Variants in TACC2 observed in about 807,000 individuals in gnomAD.
TACC2 encodes transforming acidic coiled-coil containing protein 2.
A neutral mutation model predicts 227.3 loss-of-function variants in TACC2; 137 were observed. That is an observed-to-expected ratio of 0.60 (90% confidence interval 0.52 to 0.69). The LOEUF (loss-of-function observed/expected upper bound fraction) is 0.69, where lower values mean the gene tolerates loss of function less well. TACC2 is among the 30% of genes least tolerant of loss of function. The pLI is 0.00. For missense variants in TACC2, 3,470 were observed against 3,694.4 expected, an observed-to-expected ratio of 0.94 and a Z score of 1.57; for synonymous variants, 1,523 against 1,487.5, an observed-to-expected ratio of 1.02 and a Z score of -0.55.
At chr10:122,106,961 C>T (rs954469813) in intron 5 of TACC2, among the ~76,000 whole-genome samples, 8 of 152,218 alleles carry the variant, frequency 5.3e-5, no homozygotes, top group Non-Finnish European at 1.2e-4. Context: ...ACTGCGCCCT[C>T]GCATGACAAT....
chr10:122,074,360 A>G (rs1429559828), intron 3 of TACC2, among the ~76,000 whole-genome samples: 4 of 152,102 alleles, frequency 2.6e-5, no homozygotes, highest in Admixed American at 2.6e-4. Flanking sequence ...GATTATAGGT[A>G]TGACCCACTG....
At chr10:122,135,365 G>A (rs2089399326) in intron 6 of TACC2, among the ~76,000 whole-genome samples, 1 of 152,204 alleles carries the variant, frequency 6.6e-6, no homozygotes, top group South Asian at 2.1e-4. Flanking sequence ...ATGCAGGAGG[G>A]GACCAGTGGC....
rs375725566 is a variant in TACC2, at chr10:122,143,528, T to C, written c.5700-44T>C. 201 of 1,592,104 alleles carry C rather than the reference T, an allele frequency of 1.3e-4. No individual in the cohort carries two copies. In the African/African-American group the frequency reaches 2.5e-3, roughly 20 times the overall value. On this transcript the variant is annotated intron_variant, in intron 6 of 22. Transcript: ENST00000369005. ...TGGGGCCTGATGAATGTGCCATTAA[T>C]GAGCCCAGCACCATGTGGAATAATT...
rs145786909 is a variant in TACC2 at position 122,016,788 on chromosome 10, C to T, written c.-45-5149C>T. The stretch of plus-strand genomic sequence containing the variant: ...ATAAGATGCTTAATTTGTGTCCCCA[C>T]GAAATTCATATGTGGAAATCCTAAC... On this transcript the variant is annotated intron_variant, in intron 1 of 22. Coordinates refer to ENST00000369005, the MANE Select transcript of TACC2 (RefSeq NM_206862.4). Among the ~76,000 whole-genome samples the T allele has an allele frequency of 2.5e-3, 375 of 152,208 alleles. 3 individuals carry two copies. The highest frequency in any genetic ancestry group is 8.7e-3 in the African/African-American group (363 of 41,528).
intron 5 of TACC2, among the ~76,000 whole-genome samples, chr10:122,100,347 TG>T (rs1462376381): frequency 6.6e-6 from 1 of 151,980 alleles, no homozygotes; most frequent in Non-Finnish European, 1.5e-5. Context: ...AACTCTTCCC[TG>T]CTCCTTTCTG....
chr10:122,116,526 T>C (rs1326704375), intron 5 of TACC2, among the ~76,000 whole-genome samples: 2 of 152,198 alleles, frequency 1.3e-5, no homozygotes, highest in East Asian at 3.8e-4. Context: ...ACTGTCTGAG[T>C]CACCTTCCTT....
chr10:122,165,599 A>T (rs1218552193), intron 7 of TACC2, among the ~76,000 whole-genome samples: 1 of 152,190 alleles, frequency 6.6e-6, no homozygotes, highest in Non-Finnish European at 1.5e-5. Context: ...AGTGGTGTTT[A>T]AATAAAATTT....
At chr10:122,222,448 ATT>A (rs2095540298) in intron 11 of TACC2, among the ~76,000 whole-genome samples, 1 of 152,140 alleles carries the variant, frequency 6.6e-6, no homozygotes, top group Non-Finnish European at 1.5e-5. Flanking sequence ...CTCATCTGGG[ATT>A]GATGGGGAGG....
intron 6 of TACC2, among the ~76,000 whole-genome samples, chr10:122,137,177 G>GCT (rs2089840680): frequency 6.6e-6 from 1 of 152,034 alleles, no homozygotes; most frequent in Admixed American, 6.6e-5. Flanking sequence ...CGGGGGTTGA[G>GCT]CTAACCCTGG....
At chr10:122,102,485 C>A (rs967232760) in intron 5 of TACC2, among the ~76,000 whole-genome samples, 1 of 152,208 alleles carries the variant, frequency 6.6e-6, no homozygotes, top group African/African-American at 2.4e-5. Context: ...TGCGGCTGAT[C>A]CATCAAATAG....
chr10:122,048,435 TCCTCCCTCCCTC>T (rs142187179), intron 2 of TACC2, among the ~76,000 whole-genome samples: 1 of 133,512 alleles, frequency 7.5e-6, no homozygotes, highest in Non-Finnish European at 1.6e-5. Context: ...CCTCCTTGCT[TCCTCCCTCCCTC>T]CCTCCCTCCC....
intron 19 of TACC2, chr10:122,247,102 AG>A (rs2096139413): frequency 6.6e-6 from 1 of 152,640 alleles, no homozygotes; most frequent in Non-Finnish European, 1.5e-5. Context: ...TCCATTTCAG[AG>A]GGAGGTCACT....
In TACC2 at chr10:122,180,463, G is replaced by A. The variant is rs1158594696; in HGVS notation, c.5835-14577G>A. Among the ~76,000 whole-genome samples the A allele has an allele frequency of 6.7e-6, 1 of 149,722 alleles. No individual in the cohort carries two copies. Among genetic ancestry groups the A allele is most frequent in the Non-Finnish European group, 1.5e-5 (1 of 67,566 alleles). On this transcript the variant is annotated intron_variant, in intron 7 of 22. Transcript: ENST00000369005. The surrounding 1 kb of genome is among the most constrained non-coding windows in gnomAD (Gnocchi z 4.5). ...CGCCATTCTCCTGCCTCAGCCTCCC[G>A]AGTAGCTGGGACTACAGGCGCCCGC...
At position 122,004,420 on chromosome 10, in the gene TACC2, C is replaced by G. The variant is rs563132255; in HGVS notation, c.-46+14932C>G. 2.6e-5 allele frequency among the ~76,000 whole-genome samples: 4 copies of G among 151,656 alleles called. No individual in the cohort carries two copies. In the South Asian group the frequency reaches 8.4e-4, roughly 32 times the overall value. On this transcript the variant is annotated intron_variant, in intron 1 of 22. Transcript: ENST00000369005. ...CTCAAAAAAAAAAAAAAAAATTACA[C>G]TCGTTCCTGAGGTTGAAAGATTTAC...
intron 7 of TACC2, among the ~76,000 whole-genome samples, chr10:122,166,880 T>C (rs1381289053): frequency 1.3e-5 from 2 of 152,206 alleles, no homozygotes; most frequent in Non-Finnish European, 2.9e-5. Context: ...AAAACACTTA[T>C]TTCTCAGTAT....
chr10:122,242,114 C>A, intron 19 of TACC2, 113 bp downstream of exon 19: 1 of 981,680 alleles, frequency 1.0e-6, no homozygotes, highest in Non-Finnish European at 1.6e-6. Flanking sequence ...TGAAGCCTTT[C>A]AGGGAAGGAC....
intron 2 of TACC2, among the ~76,000 whole-genome samples, chr10:122,026,435 A>G (rs1342136964): frequency 7.3e-6 from 1 of 136,602 alleles, no homozygotes; most frequent in Admixed American, 8.0e-5. Context: ...CATCCTGAAG[A>G]TTTTCTGCTA....
At chr10:122,152,926 A>G (rs34827350) in intron 7 of TACC2, among the ~76,000 whole-genome samples, 20 of 152,000 alleles carry the variant, frequency 1.3e-4, no homozygotes, top group Non-Finnish European at 2.6e-4. Flanking sequence ...TTGTGATAAC[A>G]TCTGGCCTTT....
intron 10 of TACC2, among the ~76,000 whole-genome samples, chr10:122,216,370 C>CA (rs2095406818): frequency 1.5e-5 from 2 of 133,308 alleles, no homozygotes; most frequent in Admixed American, 8.5e-5. Context: ...AACTAAGACA[C>CA]AAAATCCTGA....
Sources: allele counts gnomAD v4.1 joint callset (sites outside exome capture counted in the v4.1 genomes callset), GRCh38; gene constraint gnomAD v4.1.1; non-coding constraint Gnocchi (gnomAD v3.1); transcripts MANE v1.5; gene names NCBI Gene and HGNC (gene_info 2026-07-23, HGNC 2026-07-21).